SLC24A3: variants seen among roughly 807,000 people sequenced by gnomAD.
SLC24A3 encodes the protein solute carrier family 24 member 3.
SLC24A3 carries 28 observed loss-of-function variants against 75.8 expected under a neutral mutation model. The ratio of observed to expected loss-of-function variants is 0.37; its 90% CI spans 0.27 to 0.51. The LOEUF (loss-of-function observed/expected upper bound fraction) is 0.51, where lower values mean the gene tolerates loss of function less well. Among genes scored for constraint, SLC24A3 ranks in the 20% least tolerant of loss-of-function variants. SLC24A3 has a pLI of 0.94. For missense variants in SLC24A3, 663 were observed against 847.8 expected (o/e 0.78, Z 2.71); for synonymous variants, 372 against 334.1 (o/e 1.11, Z -1.24).
At chr20:19,328,421 A>G (rs1984920378) in intron 2 of SLC24A3, among the ~76,000 whole-genome samples, 1 of 152,226 alleles carries the variant, frequency 6.6e-6, no homozygotes, top group African/African-American at 2.4e-5. Flanking sequence ...GGAAGGTGAA[A>G]GACTCCAGAG....
intron 1 of SLC24A3, among the ~76,000 whole-genome samples, chr20:19,264,950 C>T (rs1247796174): frequency 6.6e-6 from 1 of 152,096 alleles, no homozygotes; most frequent in Non-Finnish European, 1.5e-5. Flanking sequence ...TATGCTTTTC[C>T]CCTTTATCTG....
chr20:19,377,689 A>G (rs969559078), intron 2 of SLC24A3, among the ~76,000 whole-genome samples: 2 of 152,206 alleles, frequency 1.3e-5, no homozygotes, highest in African/African-American at 2.4e-5. Flanking sequence ...AGATCTTCCC[A>G]TGTTTTGTCC....
At chr20:19,432,702 A>G (rs1987125943) in intron 2 of SLC24A3, among the ~76,000 whole-genome samples, 1 of 152,222 alleles carries the variant, frequency 6.6e-6, no homozygotes, top group African/African-American at 2.4e-5. Flanking sequence ...GCCTCAGCTA[A>G]TAAGGGGAAT....
chr20:19,252,251 A>G (rs1982679995), intron 1 of SLC24A3, among the ~76,000 whole-genome samples: 1 of 152,210 alleles, frequency 6.6e-6, no homozygotes, highest in Non-Finnish European at 1.5e-5. Context: ...ATTGAAGATG[A>G]AAGAGGAGTT....
intron 2 of SLC24A3, among the ~76,000 whole-genome samples, chr20:19,308,348 T>C (rs1319793139): frequency 2.0e-5 from 3 of 152,246 alleles, no homozygotes; most frequent in Admixed American, 2.0e-4. Flanking sequence ...AAAGGAAAGC[T>C]TCTAGCTAGA....
intron 3 of SLC24A3, among the ~76,000 whole-genome samples, chr20:19,536,857 C>A (rs1422563914): frequency 1.3e-5 from 2 of 152,128 alleles, no homozygotes; most frequent in African/African-American, 2.4e-5. Context: ...CTTCCTTACA[C>A]CTTATACAAA....
intron 2 of SLC24A3, among the ~76,000 whole-genome samples, chr20:19,375,947 C>T (rs1344485431): frequency 6.6e-6 from 1 of 152,100 alleles, no homozygotes; most frequent in Non-Finnish European, 1.5e-5. Context: ...TCCACAATTC[C>T]CACAGCTGCT....
At chr20:19,404,265 G>A (rs1225839086) in intron 2 of SLC24A3, among the ~76,000 whole-genome samples, 1 of 152,196 alleles carries the variant, frequency 6.6e-6, no homozygotes, top group East Asian at 1.9e-4. Context: ...ACCTGGTGGA[G>A]CTAAATTTTT....
chr20:19,698,788 C>A, intron 15 of SLC24A3, 108 bp downstream of exon 15: 3 of 815,002 alleles, frequency 3.7e-6, no homozygotes, highest in South Asian at 1.6e-5. Context: ...GTGTAGAAAT[C>A]GTAATATTGA....
At chr20:19,264,758 G>A (rs1021943790) in intron 1 of SLC24A3, among the ~76,000 whole-genome samples, 3 of 144,096 alleles carry the variant, frequency 2.1e-5, no homozygotes, top group Non-Finnish European at 4.5e-5. Flanking sequence ...AAACAAAAAC[G>A]TGCAGCCTGG....
At chr20:19,277,643 T>G (rs1983526261) in intron 1 of SLC24A3, among the ~76,000 whole-genome samples, 1 of 152,256 alleles carries the variant, frequency 6.6e-6, no homozygotes, top group Admixed American at 6.5e-5. Context: ...AATACACTTT[T>G]GTTGAGATAA....
rs1426054863 is a variant in SLC24A3, at chr20:19,682,007, A to T, written c.901+16A>T. On this transcript the variant is annotated intron_variant, in intron 10 of 16. Transcript: ENST00000328041. Reference sequence around the variant, plus strand: ...CTTAAGAAAGGTAACCAAGGAGAGCACTTTGGGGTCCAAGGCAGGAGGATC... The same window carrying T: ...CTTAAGAAAGGTAACCAAGGAGAGCTCTTTGGGGTCCAAGGCAGGAGGATC... The T allele has an allele frequency of 4.3e-6, 7 of 1,612,772 alleles. No homozygotes were observed. The highest frequency in any genetic ancestry group is 2.7e-5 in the African/African-American group (2 of 74,896).
At chr20:19,601,293 G>A (rs918250397) in intron 6 of SLC24A3, among the ~76,000 whole-genome samples, 4 of 152,170 alleles carry the variant, frequency 2.6e-5, no homozygotes, top group African/African-American at 7.2e-5. Context: ...TTGCCCAGAA[G>A]CTCCAGGTCT....
At chr20:19,380,172 G>GCACTT in intron 2 of SLC24A3, among the ~76,000 whole-genome samples, 1 of 152,320 alleles carries the variant, frequency 6.6e-6, no homozygotes, top group East Asian at 1.9e-4. Context: ...GTCAGGAGAG[G>GCACTT]TTTTGCAGAG....
chr20:19,587,560 A>G (rs1001990537), intron 6 of SLC24A3, among the ~76,000 whole-genome samples: 5 of 152,298 alleles, frequency 3.3e-5, no homozygotes, highest in East Asian at 1.9e-4. Context: ...CTTTCCTGTC[A>G]TGTGCCAAAC....
intron 12 of SLC24A3, 127 bp from the exon 13 acceptor site, chr20:19,693,132 G>A (rs1005405012): frequency 6.1e-6 from 6 of 988,310 alleles, no homozygotes; most frequent in Non-Finnish European, 8.5e-6. Context: ...TTTAGAAAAA[G>A]AGCAATATAA....
chr20:19,379,519 G>A (rs1986146212), intron 2 of SLC24A3, among the ~76,000 whole-genome samples: 2 of 152,176 alleles, frequency 1.3e-5, no homozygotes, highest in African/African-American at 4.8e-5. Flanking sequence ...GCTGGATCAT[G>A]TTGTTATTTG....
Position 19,236,518 on chromosome 20 carries a change from G to T in SLC24A3, c.142+23534G>T, listed in dbSNP as rs1248503527. 3.3e-5 allele frequency among the ~76,000 whole-genome samples: 5 copies of T among 152,068 alleles called. No individual in the cohort carries two copies. In the East Asian group the frequency reaches 9.7e-4, roughly 29 times the overall value. ...TATAATCCTAGTACTTCGGAAGGCTGGGGTGGGAGGATTGCTTGAGGCCAA... is the reference window on the plus strand; with the variant it reads ...TATAATCCTAGTACTTCGGAAGGCTTGGGTGGGAGGATTGCTTGAGGCCAA... On this transcript the variant is annotated intron_variant, in intron 1 of 16. Transcript: ENST00000328041.
chr20:19,720,881 C>T (rs1282901406), intron 16 of SLC24A3, 110 bp from the exon 17 acceptor site: 42 of 1,260,054 alleles, frequency 3.3e-5, no homozygotes, highest in Admixed American at 4.8e-5. Flanking sequence ...GCACCCTGCC[C>T]GAGGCCCATA....
Sources: gnomAD v4.1 joint callset for allele counts (sites outside exome capture counted in the v4.1 genomes callset) on GRCh38, gnomAD v4.1.1 for gene constraint, MANE v1.5 for transcripts, NCBI Gene and HGNC (gene_info 2026-07-23, HGNC 2026-07-21) for gene names.